Variants in PLA2G6 observed in about 807,000 individuals in gnomAD.
PLA2G6 encodes the protein phospholipase A2 group VI.
In PLA2G6, 62 loss-of-function variants were observed where a neutral mutation model predicts 83.8. That is an observed-to-expected ratio of 0.74 (90% CI 0.60 to 0.91). PLA2G6 has a LOEUF of 0.91. PLA2G6 is among the 40% of genes least tolerant of loss of function. The probability of loss-of-function intolerance (pLI) is 0.00; values close to 1 mark genes in which losing one functional copy is unlikely to be tolerated. For synonymous variants in PLA2G6, 417 were observed against 449.8 expected (o/e 0.93, Z 0.92); for missense variants, 944 against 1,102.0 (o/e 0.86, Z 2.03).
Position 38,128,931 on chromosome 22 carries a change from C to T in PLA2G6, c.1187-501G>A, listed in dbSNP as rs2145750936. Among the ~76,000 whole-genome samples, 1 of 152,372 alleles carries T rather than the reference C, an allele frequency of 6.6e-6. No homozygotes were observed. The highest frequency in any genetic ancestry group is 3.4e-3 in the Middle Eastern group (1 of 294). ...CCATCAGGTACCTGCCCACAGTGAC[C>T]CCCACAGCTGCTGAAACCCTCCAGA... On this transcript the variant is annotated intron_variant, in intron 8 of 16. Transcript: ENST00000332509. The surrounding 1 kb of genome is among the most constrained non-coding windows in gnomAD (Gnocchi z 4.4).
chr22:38,148,259 T>G (rs2089377265), intron 2 of PLA2G6: 2 of 461,892 alleles, frequency 4.3e-6, no homozygotes, highest in Non-Finnish European at 7.8e-6. Flanking sequence ...TTTGAGGAGT[T>G]TTGCTGTGGT....
intron 1 of PLA2G6, among the ~76,000 whole-genome samples, chr22:38,172,708 G>A (rs738320): frequency 6.6e-6 from 1 of 152,158 alleles, no homozygotes; most frequent in Non-Finnish European, 1.5e-5. Flanking sequence ...GGAGGGGTGC[G>A]CCCAGGAAGG....
intron 1 of PLA2G6, among the ~76,000 whole-genome samples, chr22:38,179,944 G>T (rs2090780992): frequency 6.6e-6 from 1 of 151,930 alleles, no homozygotes; most frequent in Non-Finnish European, 1.5e-5. Context: ...AAATAAGACT[G>T]GATGAGATCA....
At chr22:38,174,578 A>G (rs6001038) in intron 1 of PLA2G6, among the ~76,000 whole-genome samples, 77,922 of 151,932 alleles carry the variant, frequency 0.51, 20,524 homozygotes, top group South Asian at 0.64. Flanking sequence ...CGGTCCCCTG[A>G]GGGAAGGACC....
At chr22:38,138,098 G>A (rs561377831) in intron 5 of PLA2G6, 1 of 152,490 alleles carries the variant, frequency 6.6e-6, no homozygotes, top group African/African-American at 2.4e-5. Context: ...ACCGGTGAGG[G>A]CTGAGGTTGT....
At chr22:38,163,186 C>T (rs187373439) in intron 2 of PLA2G6, among the ~76,000 whole-genome samples, 1 of 152,236 alleles carries the variant, frequency 6.6e-6, no homozygotes, top group Non-Finnish European at 1.5e-5. Context: ...AAGCCCAGCA[C>T]AGGCCCTTCC....
At chr22:38,112,845 C>G (rs1009700281) in intron 15 of PLA2G6, 3 of 582,584 alleles carry the variant, frequency 5.1e-6, no homozygotes, top group Non-Finnish European at 9.2e-6. Flanking sequence ...GCTGAGTCGA[C>G]AGGCCTCCAT....
chr22:38,157,997 C>T (rs2089856219), intron 2 of PLA2G6, among the ~76,000 whole-genome samples: 1 of 151,582 alleles, frequency 6.6e-6, no homozygotes, highest in African/African-American at 2.4e-5. Context: ...GATTGCACCA[C>T]CGCACTCCAG....
At chr22:38,121,178 G>T in intron 11 of PLA2G6, 1 of 411,888 alleles carries the variant, frequency 2.4e-6, no homozygotes, top group African/African-American at 2.0e-5. Flanking sequence ...AGGAGTTTGA[G>T]ACCAGCCTGC....
At chr22:38,156,498 G>A (rs1421873213) in intron 2 of PLA2G6, among the ~76,000 whole-genome samples, 2 of 151,738 alleles carry the variant, frequency 1.3e-5, no homozygotes, top group South Asian at 2.1e-4. Context: ...CTGTCACCCA[G>A]GCTGGAGTGC....
At position 38,155,226 on chromosome 22, in the gene PLA2G6, C is replaced by CA. The variant is rs879711542; in HGVS notation, c.210-9574dup. On this transcript the variant is annotated intron_variant, in intron 2 of 16. Transcript: ENST00000332509. ...TGGGCGACAGAGCAAGACTCCATCT[C>CA]AAAAAAAAAAAAAAGAATCAAGCAG... Among the ~76,000 whole-genome samples, 690 of 114,488 alleles carry CA rather than the reference C, an allele frequency of 6.0e-3. 4 individuals carry two copies. The highest frequency in any genetic ancestry group is 7.1e-3 in the Non-Finnish European group (384 of 54,298). The allele number at this position is 114,488 out of a possible 152,430, so 75.1% of individuals were successfully genotyped here. A position where few individuals can be genotyped will look rare whatever the true frequency, so the allele number is the denominator to read the frequency against.
At position 38,145,552 on chromosome 22, in the gene PLA2G6, G is replaced by T. The variant is rs2089197947; in HGVS notation, c.311C>A (p.Thr104Asn). 3 of 1,613,510 alleles carry T rather than the reference G, an allele frequency of 1.9e-6. No individual in the cohort carries two copies. The highest frequency in any genetic ancestry group is 2.5e-6 in the Non-Finnish European group (3 of 1,179,546). ...GTCGGTCAGGTGCTGCAGGACCTCA[G>T]TGTGCAGGACCTGAGGGGAGCTCTC... The part of the protein sequence containing the change: ...FYESSPQVLH[T>N]EVLQHLTDLI... The change falls in exon 3 of 17, where the codon ACT (threonine) becomes AAT (asparagine). Residue 104 changes from threonine (T) to asparagine (N), a missense_variant. By Grantham distance (65) the Thr-to-Asn change is moderately conservative. Transcript: ENST00000332509.
At chr22:38,150,773 T>A (rs958720781) in intron 2 of PLA2G6, among the ~76,000 whole-genome samples, 2 of 152,176 alleles carry the variant, frequency 1.3e-5, no homozygotes, top group African/African-American at 2.4e-5. Flanking sequence ...ATGGAATGAC[T>A]TCCTTAAAGA....
chr22:38,160,300 C>T (rs561918406), intron 2 of PLA2G6, among the ~76,000 whole-genome samples: 12 of 152,184 alleles, frequency 7.9e-5, no homozygotes, highest in African/African-American at 2.4e-4. Context: ...AACAGACGGG[C>T]GGTATTATTT....
At position 38,132,645 on chromosome 22, in the gene PLA2G6, C is replaced by G. The variant is rs2088287615; in HGVS notation, c.1077+186G>C. On this transcript the variant is annotated intron_variant, in intron 7 of 16. Coordinates refer to ENST00000332509, the MANE Select transcript of PLA2G6 (RefSeq NM_003560.4). This position sits in a 1 kb window ranked among gnomAD's most constrained non-coding sequence, Gnocchi z 5.0. ...ACACAGGAGGTGGTGTTATTTTGGG[C>G]TGAGAGGGGGACTTGGAAGGCTTCC... is the stretch of plus-strand genomic sequence containing the variant. The G allele has an allele frequency of 8.2e-6, 5 of 612,450 alleles. No individual in the cohort carries two copies. Among genetic ancestry groups the G allele is most frequent in the South Asian group, 7.8e-5 (4 of 51,232 alleles). The allele number at this position is 612,450 out of a possible 1,614,324, so 37.9% of individuals were successfully genotyped here.
chr22:38,178,038 C>T (rs2090703854), intron 1 of PLA2G6, among the ~76,000 whole-genome samples: 1 of 152,180 alleles, frequency 6.6e-6, no homozygotes, highest in Admixed American at 6.5e-5. Flanking sequence ...AGCAAAACGT[C>T]CTTTCACAAA....
intron 2 of PLA2G6, among the ~76,000 whole-genome samples, chr22:38,154,980 C>A (rs1014772339): frequency 2.0e-5 from 3 of 152,222 alleles, no homozygotes; most frequent in African/African-American, 7.2e-5. Context: ...GTAATCCCAG[C>A]ACTTCGGAAG....
chr22:38,163,311 A>T (rs1466350724), intron 2 of PLA2G6: 1 of 160,202 alleles, frequency 6.2e-6, no homozygotes, highest in Non-Finnish European at 1.5e-5. Context: ...CTTAAGGTCT[A>T]TCTCTACCCC....
chr22:38,119,267 AAC>A (rs1009231891), intron 12 of PLA2G6, among the ~76,000 whole-genome samples: 2 of 152,140 alleles, frequency 1.3e-5, no homozygotes, highest in African/African-American at 4.8e-5. Context: ...AGTGGAACAA[AAC>A]ACAGCCTGGA....
Sources: allele counts gnomAD v4.1 joint callset (sites outside exome capture counted in the v4.1 genomes callset), GRCh38; gene constraint gnomAD v4.1.1; non-coding constraint Gnocchi (gnomAD v3.1); transcripts MANE v1.5; gene names NCBI Gene and HGNC (gene_info 2026-07-23, HGNC 2026-07-21).